GPC5: variants seen among roughly 807,000 people sequenced by gnomAD.
GPC5 encodes the protein glypican-5.
Under a neutral mutation model 53.9 loss-of-function variants are expected in GPC5, and 47 were observed. That is an observed-to-expected ratio of 0.87 (90% CI 0.69 to 1.11). GPC5 has a LOEUF of 1.11. GPC5 is among the 50% of genes most tolerant of loss of function. The pLI is 0.00. For synonymous variants in GPC5, 286 were observed against 263.3 expected (o/e 1.09, Z -0.84); for missense variants, 748 against 713.1 (o/e 1.05, Z -0.56).
chr13:91,967,097 T>C (rs1418851703), intron 6 of GPC5, among the ~76,000 whole-genome samples: 1 of 152,172 alleles, frequency 6.6e-6, no homozygotes, highest in East Asian at 1.9e-4. Context: ...GGAGGCCTCA[T>C]AATCATGGCA....
intron 6 of GPC5, among the ~76,000 whole-genome samples, chr13:92,093,109 T>C (rs1186308050): frequency 6.6e-6 from 1 of 152,202 alleles, no homozygotes; most frequent in East Asian, 1.9e-4. Flanking sequence ...TAGTTTTCCA[T>C]TGAAAATGTT....
intron 1 of GPC5, among the ~76,000 whole-genome samples, chr13:91,429,481 T>C (rs1195926976): frequency 6.6e-6 from 1 of 152,116 alleles, no homozygotes; most frequent in Non-Finnish European, 1.5e-5. Context: ...GGGATCCAAG[T>C]AGAGATTGGT....
At chr13:92,618,205 C>A (rs1594353063) in intron 7 of GPC5, among the ~76,000 whole-genome samples, 1 of 152,036 alleles carries the variant, frequency 6.6e-6, no homozygotes, top group South Asian at 2.1e-4. Context: ...TAGTTATTTG[C>A]ACAGATGACT....
chr13:92,312,343 A>T (rs1018409075), intron 7 of GPC5, among the ~76,000 whole-genome samples: 1 of 152,168 alleles, frequency 6.6e-6, no homozygotes, highest in Admixed American at 6.6e-5. Context: ...GGGAAAAAAA[A>T]CAAGTTATAA....
At chr13:91,653,448 A>G (rs533990169) in intron 2 of GPC5, among the ~76,000 whole-genome samples, 1 of 152,104 alleles carries the variant, frequency 6.6e-6, no homozygotes, top group Non-Finnish European at 1.5e-5. Context: ...AATGAATAAG[A>G]CCTGCTATAT....
Position 91,567,154 on chromosome 13 carries a change from T to C in GPC5, c.325+118232T>C, listed in dbSNP as rs148920877. ...AGCATGTGACTCCATTTCTACAGACTGAATAGTTCAAATATCAGAATTAAA... is the reference window on the plus strand; with the variant it reads ...AGCATGTGACTCCATTTCTACAGACCGAATAGTTCAAATATCAGAATTAAA... On this transcript the variant is annotated intron_variant, in intron 2 of 7. Transcript: ENST00000377067. Among the ~76,000 whole-genome samples the C allele has an allele frequency of 1.6e-3, 249 of 152,246 alleles. 6 individuals carry two copies. Among genetic ancestry groups the C allele is most frequent in the Admixed American group, 0.014 (219 of 15,276 alleles).
At chr13:92,008,688 G>A (rs2040633103) in intron 6 of GPC5, among the ~76,000 whole-genome samples, 1 of 152,080 alleles carries the variant, frequency 6.6e-6, no homozygotes, top group African/African-American at 2.4e-5. Context: ...TGTTGTGTTT[G>A]CTAAACTTCC....
chr13:92,047,842 T>G (rs2040995845), intron 6 of GPC5, among the ~76,000 whole-genome samples: 1 of 149,546 alleles, frequency 6.7e-6, no homozygotes, highest in Non-Finnish European at 1.5e-5. Context: ...ATACAAAAAT[T>G]TAGCCGGGCG....
At position 92,512,267 on chromosome 13, in the gene GPC5, C is replaced by T. The variant is rs904620062; in HGVS notation, c.1562-354015C>T. Among the ~76,000 whole-genome samples, 54 of 151,904 alleles carry T rather than the reference C, an allele frequency of 3.6e-4. 1 individual carries two copies. The highest frequency in any genetic ancestry group is 2.1e-4 in the South Asian group (1 of 4,820). ...GTGTGTGTGCGCGCGCGCGCGCGTA[C>T]GCTGTGTGCATGCACGCTCATGGTA... On this transcript the variant is annotated intron_variant, in intron 7 of 7. Transcript: ENST00000377067.
chr13:91,483,160 C>A (rs192324808), intron 2 of GPC5, among the ~76,000 whole-genome samples: 2 of 152,200 alleles, frequency 1.3e-5, no homozygotes, highest in Non-Finnish European at 2.9e-5. Flanking sequence ...ATTAAAAGTT[C>A]TTTATGGTAA....
rs531415460 is a variant in GPC5, at chr13:91,973,967, G to A, written c.1401+65910G>A. Among the ~76,000 whole-genome samples, 82 of 152,194 alleles carry A rather than the reference G, an allele frequency of 5.4e-4. 1 individual carries two copies. The highest frequency in any genetic ancestry group is 1.0e-3 in the Non-Finnish European group (68 of 68,034). ...TGAGGAGGCAGTATGCCCGTTCTCA[G>A]ATCTCCAGCTGCGTGCTGGGAGAAC... On this transcript the variant is annotated intron_variant, in intron 6 of 7. Coordinates refer to ENST00000377067, the MANE Select transcript of GPC5 (RefSeq NM_004466.6).
intron 7 of GPC5, among the ~76,000 whole-genome samples, chr13:92,520,776 G>A (rs1881010887): frequency 6.6e-6 from 1 of 152,008 alleles, no homozygotes; most frequent in South Asian, 2.1e-4. Flanking sequence ...GGAAGTTCTG[G>A]CCAGGCCAAT....
intron 2 of GPC5, among the ~76,000 whole-genome samples, chr13:91,622,938 G>T (rs1259065373): frequency 6.6e-6 from 1 of 152,104 alleles, no homozygotes; most frequent in Non-Finnish European, 1.5e-5. Context: ...TTCATAGGCT[G>T]AGGAATACAT....
In GPC5 at chr13:92,431,433, G is replaced by A. The variant is rs570003022; in HGVS notation, c.1561+286444G>A. Among the ~76,000 whole-genome samples, 8 of 144,312 alleles carry A rather than the reference G, an allele frequency of 5.5e-5. No individual in the cohort carries two copies. The South Asian group carries it at 1.7e-3, about 31-fold the overall frequency. 94.7% of individuals were successfully genotyped at this position (144,312 alleles called of 152,430 possible). ...AGCTAAAGTGATCAGAAAAGTCTCT[G>A]TGAAGAGGTAAGATTTAGGCTAAAT... On this transcript the variant is annotated intron_variant, in intron 7 of 7. Coordinates refer to ENST00000377067, the MANE Select transcript of GPC5 (RefSeq NM_004466.6).
At chr13:91,907,016 G>A (rs1237857766) in intron 5 of GPC5, among the ~76,000 whole-genome samples, 1 of 149,544 alleles carries the variant, frequency 6.7e-6, no homozygotes, top group East Asian at 1.9e-4. Flanking sequence ...TGCCACATGT[G>A]TGATCTGCTT....
intron 7 of GPC5, among the ~76,000 whole-genome samples, chr13:92,444,754 G>A (rs1168798864): frequency 6.7e-6 from 1 of 148,736 alleles, no homozygotes; most frequent in Admixed American, 6.7e-5. Context: ...TAAACTTAAG[G>A]GATGGGTAGA....
chr13:92,666,306 G>A (rs1404643367), intron 7 of GPC5, among the ~76,000 whole-genome samples: 2 of 152,076 alleles, frequency 1.3e-5, no homozygotes, highest in Admixed American at 6.6e-5. Flanking sequence ...TATTGTAAAT[G>A]ATACATAGCC....
chr13:92,708,182 A>G (rs1389624786), intron 7 of GPC5, among the ~76,000 whole-genome samples: 5 of 152,160 alleles, frequency 3.3e-5, no homozygotes, highest in African/African-American at 9.7e-5. Context: ...ATATAAGACA[A>G]ATTTTGAAGA....
At chr13:91,814,270 G>A (rs1431077654) in intron 5 of GPC5, among the ~76,000 whole-genome samples, 1 of 151,950 alleles carries the variant, frequency 6.6e-6, no homozygotes, top group African/African-American at 2.4e-5. Flanking sequence ...GATAACTTAT[G>A]TACTCTTGAA....
Sources: allele counts gnomAD v4.1 joint callset (sites outside exome capture counted in the v4.1 genomes callset), GRCh38; gene constraint gnomAD v4.1.1; transcripts MANE v1.5; gene names NCBI Gene and HGNC (gene_info 2026-07-23, HGNC 2026-07-21).